The following CLEC12B variants were observed in gnomAD, a reference collection of about 807,000 sequenced individuals.
CLEC12B encodes C-type lectin domain family 12 member B, also known as macrophage antigen h.
CLEC12B carries 25 observed loss-of-function variants against 36.1 expected under a neutral mutation model. The observed-to-expected ratio is 0.69, with a 90% CI of 0.50 to 0.97. CLEC12B has a LOEUF of 0.97. Ranked by LOEUF, CLEC12B falls within the 50% of genes least tolerant of loss-of-function variation. The pLI is 0.00. For synonymous variants in CLEC12B, 110 were observed against 108.5 expected (o/e 1.01, Z -0.09); for missense variants, 325 against 318.4 (o/e 1.02, Z -0.16).
upstream of CLEC12B, chr12:10,010,617 C>T (rs527405043): frequency 1.3e-5 from 7 of 542,254 alleles, no homozygotes; most frequent in African/African-American, 1.2e-4. Context: ...TGTCATTCTT[C>T]TCTTACAGAG....
rs1225026546 is a variant in CLEC12B, at chr12:10,018,425, AT to A, written c.781del (p.Trp261GlyfsTer10). ...TTATATTTCTCGCTGTAGTGCTGAA[AT>A]TTTTTGGATTTGCGAGAAGACAGCT... ...NIYISRCSAE[I>X]FWICEKTAAP... is the part of the protein sequence containing the mutation. On this transcript the variant is annotated frameshift_variant, in exon 6 of 6. Coordinates refer to ENST00000338896, the MANE Select transcript of CLEC12B (RefSeq NM_001129998.3). LOFTEE classifies it high-confidence loss of function. The A allele has an allele frequency of 1.3e-6, 2 of 1,550,932 alleles. No homozygotes were observed. Among genetic ancestry groups the A allele is most frequent in the Non-Finnish European group, 1.7e-6 (2 of 1,146,552 alleles).
At chr12:10,009,476 A>G (rs1865273204), upstream of CLEC12B, among the ~76,000 whole-genome samples, 1 of 151,314 alleles carries the variant, frequency 6.6e-6, no homozygotes, top group South Asian at 2.1e-4. Context: ...TAGATTTATT[A>G]TTTGTTTCAA....
intron 2 of CLEC12B, chr12:10,013,440 G>A (rs1228029263): frequency 6.5e-6 from 1 of 153,850 alleles, no homozygotes; most frequent in Non-Finnish European, 1.4e-5. Flanking sequence ...GACAATGGAA[G>A]CTCCACTCTC....
intron 1 of CLEC12B, among the ~76,000 whole-genome samples, chr12:10,011,820 TAATA>T (rs539616941): frequency 3.7e-4 from 56 of 152,368 alleles, no homozygotes; most frequent in Admixed American, 3.1e-3. Flanking sequence ...TGCATATGTC[TAATA>T]AATGTGGTTA....
At position 10,018,460 on chromosome 12, in the gene CLEC12B, G is replaced by A; in HGVS notation, c.810G>A (p.Val270=). 6.4e-7 allele frequency: 1 copy of A among 1,550,806 alleles called. No homozygotes were observed. Among genetic ancestry groups the A allele is most frequent in the Middle Eastern group, 1.7e-4 (1 of 5,984 alleles). ...FWICEKTAAP[V]KTEDLD ...TTTGCGAGAAGACAGCTGCCCCAGT[G>A]AAGACTGAGGATTTGGATTAGTATG... Residue 270 remains valine (V), a synonymous_variant, in exon 6 of 6, where the codon GTG becomes GTA. Coordinates refer to ENST00000338896, the MANE Select transcript of CLEC12B (RefSeq NM_001129998.3).
chr12:10,008,303 T>C (rs1865254180), upstream of CLEC12B, among the ~76,000 whole-genome samples: 1 of 152,232 alleles, frequency 6.6e-6, no homozygotes, highest in Non-Finnish European at 1.5e-5. Flanking sequence ...CTACGGTGAA[T>C]AGCCTAGCTC....
At chr12:10,010,878 T>C (rs371004592) in intron 1 of CLEC12B, 28 bp downstream of exon 1, 168 of 1,478,166 alleles carry the variant, frequency 1.1e-4, no homozygotes, top group South Asian at 1.1e-3. Flanking sequence ...ACCAGCTGTG[T>C]CCTTGGGGGA....
intron 5 of CLEC12B, 45 bp from the exon 6 acceptor site, chr12:10,018,286 C>G: frequency 8.4e-7 from 1 of 1,188,874 alleles, no homozygotes; most frequent in Non-Finnish European, 1.2e-6. Flanking sequence ...ATAGTGATCA[C>G]GTTTCAAATA....
Position 10,015,295 on chromosome 12 carries a change from A to G in CLEC12B, c.453A>G (p.Gln151=), listed in dbSNP as rs767256708. The change falls in exon 4 of 6, where the codon CAA becomes CAG. Residue 151 remains glutamine (Q), a synonymous_variant. Transcript: ENST00000338896. ...GTCCTAAGATGTGGCAATGGTACCAAAATAGTTGCTACTATTTTACAACAA... is the reference window on the plus strand; with the variant it reads ...GTCCTAAGATGTGGCAATGGTACCAGAATAGTTGCTACTATTTTACAACAA... The part of the protein sequence containing the change: ...NPCPKMWQWY[Q]NSCYYFTTNE... 2 of 1,613,392 alleles carry G rather than the reference A, an allele frequency of 1.2e-6. No individual in the cohort carries two copies. Among genetic ancestry groups the G allele is most frequent in the African/African-American group, 2.7e-5 (2 of 74,898 alleles).
upstream of CLEC12B, among the ~76,000 whole-genome samples, chr12:10,010,301 T>C (rs1865296629): frequency 6.6e-6 from 1 of 152,138 alleles, no homozygotes; most frequent in Admixed American, 6.5e-5. Flanking sequence ...AATGTGTGTC[T>C]CTCTGCTTAA....
upstream of CLEC12B, among the ~76,000 whole-genome samples, chr12:10,006,832 G>C (rs1025825908): frequency 2.0e-5 from 3 of 152,232 alleles, no homozygotes; most frequent in Admixed American, 2.0e-4. Context: ...GAGGGGGACA[G>C]ATCACGAGGT....
Position 10,018,552 on chromosome 12 carries a change from C to G in CLEC12B, c.*71C>G, listed in dbSNP as rs117149751. 1,805 of 1,324,268 alleles carry G rather than the reference C, an allele frequency of 1.4e-3. 30 individuals are homozygous for G. In the East Asian group the frequency reaches 0.037, roughly 27 times the overall value. The allele number at this position is 1,324,268 out of a possible 1,614,324, so 82.0% of individuals were successfully genotyped here. On this transcript the variant is annotated 3_prime_UTR_variant, in exon 6 of 6. Transcript: ENST00000338896. ...GCTCATATGAGGAAAGAGGAAACTA[C>G]GGTACCAGAGCCAAACCAGCTTTTA... is the stretch of plus-strand genomic sequence containing the variant.
intron 5 of CLEC12B, chr12:10,016,884 C>A: frequency 6.4e-6 from 4 of 625,108 alleles, no homozygotes; most frequent in Non-Finnish European, 8.0e-6. Flanking sequence ...TTCTATCTAA[C>A]AGAATATTTG....
Position 10,014,540 on chromosome 12 carries a change from G to C in CLEC12B, c.208G>C (p.Asp70His). Residue 70 changes from aspartate to histidine, a missense_variant, in exon 3 of 6, where the codon GAC becomes CAC. Transcript: ENST00000338896. ...LGMMFLQISN[D>H]INSDSEKLSQ... ...TCTTGGAGTTTTGCAGATATCTAAT[G>C]ACATTAACTCAGATTCAGAGAAATT... 1 of 1,613,176 alleles carries C rather than the reference G, an allele frequency of 6.2e-7. No homozygotes were observed. The highest frequency in any genetic ancestry group is 8.5e-7 in the Non-Finnish European group (1 of 1,179,358).
chr12:10,017,812 T>C (rs1214595173), intron 5 of CLEC12B: 5 of 935,716 alleles, frequency 5.3e-6, no homozygotes, highest in African/African-American at 1.8e-5. Flanking sequence ...AAATGAATAC[T>C]ATTGTCAGAA....
chr12:10,012,827 G>A lies in CLEC12B; in HGVS notation c.134G>A (p.Gly45Asp). Residue 45 changes from glycine (G) to aspartate (D), a missense_variant, in exon 2 of 6, where the codon GGT becomes GAT. Coordinates refer to ENST00000338896, the MANE Select transcript of CLEC12B (RefSeq NM_001129998.3). ...PSPIWRHAAL[G>D]LVTLCLMLLI... is the part of the protein sequence containing the mutation. ...CCCATTTGGCGTCATGCTGCTCTGG[G>A]TCTGGTAACTCTTTGCCTGATGTTG... 2 of 1,613,808 alleles carry A rather than the reference G, an allele frequency of 1.2e-6. No homozygotes were observed. The highest frequency in any genetic ancestry group is 2.2e-5 in the East Asian group (1 of 44,884).
rs1389957763 is a variant in CLEC12B, at chr12:10,018,336, G to A, written c.686G>A (p.Ser229Asn). 1 of 1,450,876 alleles carries A rather than the reference G, an allele frequency of 6.9e-7. No individual in the cohort carries two copies. 89.9% of individuals were successfully genotyped at this position (1,450,876 alleles called of 1,614,324 possible). A position where few individuals can be genotyped will look rare whatever the true frequency, so the allele number is the denominator to read the frequency against. ...AATTTTAAATTAATTTTCAGATTTA[G>A]TACTAAAGAACTTGACCAGATCAAT... ...DGSVPSPSLF[S>N]TKELDQINGS... The change falls in exon 6 of 6, where the codon AGT becomes AAT. Residue 229 changes from serine (S) to asparagine (N), a missense_variant. Ser to Asn is a conservative substitution (Grantham distance 46, BLOSUM62 1). Coordinates refer to ENST00000338896, the MANE Select transcript of CLEC12B (RefSeq NM_001129998.3).
intron 5 of CLEC12B, chr12:10,016,651 A>C (rs542213074): frequency 4.3e-6 from 1 of 232,738 alleles, no homozygotes; most frequent in African/African-American, 2.3e-5. Context: ...TTATTGATAC[A>C]TAAGAGATGT....
chr12:10,008,446 C>T (rs974149906), upstream of CLEC12B, among the ~76,000 whole-genome samples: 3 of 151,268 alleles, frequency 2.0e-5, no homozygotes, highest in Admixed American at 6.6e-5. Flanking sequence ...ACCTGAATGT[C>T]GAAATCACAT....
Sources: allele counts gnomAD v4.1 joint callset (sites outside exome capture counted in the v4.1 genomes callset), GRCh38; gene constraint gnomAD v4.1.1; transcripts MANE v1.5; gene names NCBI Gene and HGNC (gene_info 2026-07-23, HGNC 2026-07-21).